The following TRIM22 variants were observed in gnomAD, a reference collection of about 807,000 sequenced individuals.
The protein encoded by TRIM22 is E3 ubiquitin-protein ligase TRIM22.
A neutral mutation model predicts 53.6 loss-of-function variants in TRIM22; 45 were observed. That is an observed-to-expected ratio of 0.84 (90% CI 0.66 to 1.08). The LOEUF (loss-of-function observed/expected upper bound fraction) is 1.08. Ranked by LOEUF, TRIM22 falls within the 50% of genes least tolerant of loss-of-function variation. TRIM22 has a pLI of 0.00. For missense variants in TRIM22, 616 were observed against 590.9 expected (o/e 1.04, Z -0.44); for synonymous variants, 225 against 216.6 (o/e 1.04, Z -0.34).
At chr11:5,706,206 A>G (rs1853454621) in intron 4 of TRIM22, among the ~76,000 whole-genome samples, 1 of 152,200 alleles carries the variant, frequency 6.6e-6, no homozygotes, top group Non-Finnish European at 1.5e-5. Flanking sequence ...TACTTGAAGC[A>G]TCTTCCTAAC....
chr11:5,707,653 T>A (rs1853481763), intron 5 of TRIM22, among the ~76,000 whole-genome samples: 1 of 151,834 alleles, frequency 6.6e-6, no homozygotes, highest in African/African-American at 2.4e-5. Flanking sequence ...CTACTAAAAG[T>A]ACAAAAAAAT....
chr11:5,704,149 C>A (rs1051757832), intron 4 of TRIM22, among the ~76,000 whole-genome samples: 2 of 152,150 alleles, frequency 1.3e-5, no homozygotes, highest in Non-Finnish European at 2.9e-5. Context: ...GGGTATATAC[C>A]CAAAGGAAAA....
Position 5,692,793 on chromosome 11 carries a change from C to CA in TRIM22, c.-67+2910dup, listed in dbSNP as rs749260436. On this transcript the variant is annotated intron_variant, in intron 1 of 7. Coordinates refer to ENST00000379965, the MANE Select transcript of TRIM22 (RefSeq NM_006074.5). ...TGGGCAACGCAGTGAGACCTTGTCT[C>CA]AAAAAAAAAAAAAAAAGATATTGAT... Among the ~76,000 whole-genome samples the CA allele has an allele frequency of 8.8e-4, 84 of 95,770 alleles. 3 individuals carry two copies. Among genetic ancestry groups the CA allele is most frequent in the Admixed American group, 1.9e-3 (17 of 9,016 alleles). 62.8% of individuals were successfully genotyped at this position (95,770 alleles called of 152,430 possible). A position where few individuals can be genotyped will look rare whatever the true frequency, so the allele number is the denominator to read the frequency against.
chr11:5,697,485 C>CAACAGGGAAGGAGTTAAA, intron 3 of TRIM22, 142 bp downstream of exon 3: 1 of 563,328 alleles, frequency 1.8e-6, no homozygotes, highest in Non-Finnish European at 3.1e-6. Context: ...AATTTAACTC[C>CAACAGGGAAGGAGTTAAA]TTCCCTGTTG....
At chr11:5,698,586 A>G (rs1024818804) in intron 4 of TRIM22, 41 bp downstream of exon 4, 1 of 1,481,708 alleles carries the variant, frequency 6.7e-7, no homozygotes. Flanking sequence ...AGATTAGGGG[A>G]AAAACACAGA....
rs1226496174 is a variant in TRIM22 at position 5,696,510 on chromosome 11, A to G, written c.278A>G (p.Lys93Arg). The G allele has an allele frequency of 1.9e-6, 3 of 1,614,116 alleles. No individual in the cohort carries two copies. Among genetic ancestry groups the G allele is most frequent in the Non-Finnish European group, 2.5e-6 (3 of 1,180,046 alleles). The stretch of plus-strand genomic sequence containing the variant: ...AAGATGAGCCCACAGGAGGGGCAGA[A>G]GAGAGATGTCTGTGAGCACCATGGA... ...EVKMSPQEGQ[K>R]RDVCEHHGKK... Residue 93 changes from lysine to arginine, a missense_variant, in exon 2 of 8, where the codon AAG (lysine) becomes AGG (arginine). Transcript: ENST00000379965.
At chr11:5,700,559 T>C (rs571944879) in intron 4 of TRIM22, among the ~76,000 whole-genome samples, 6 of 150,526 alleles carry the variant, frequency 4.0e-5, no homozygotes, top group African/African-American at 1.5e-4. Flanking sequence ...CTCTCACTTA[T>C]AAGTATGATG....
In TRIM22 at chr11:5,696,626, C is replaced by T. The variant is rs757285776; in HGVS notation, c.394C>T (p.Arg132Cys). ...GGAACACCAAGGTCACCAAACATTC[C>T]GCATAAACGAGGTGGTCAAGGAATG... Reference protein sequence around the residue: ...SQEHQGHQTFRINEVVKECQE... With the variant: ...SQEHQGHQTFCINEVVKECQE... The change falls in exon 2 of 8, where the codon CGC (arginine) becomes TGC (cysteine). Residue 132 changes from arginine to cysteine, a missense_variant. Arg to Cys is a radical substitution (Grantham distance 180). Coordinates refer to ENST00000379965, the MANE Select transcript of TRIM22 (RefSeq NM_006074.5). 21 of 1,612,438 alleles carry T rather than the reference C, an allele frequency of 1.3e-5. No individual in the cohort carries two copies. Among genetic ancestry groups the T allele is most frequent in the Middle Eastern group, 1.7e-4 (1 of 6,060 alleles).
In TRIM22 at chr11:5,696,379, C is replaced by T. The variant is rs769418250; in HGVS notation, c.147C>T (p.Ile49=). ...ITAKIKESVI[I]SRGESSCPVC... is the part of the protein sequence containing the mutation. The stretch of plus-strand genomic sequence containing the variant: ...CAAAGATCAAGGAGTCAGTGATCAT[C>T]TCAAGAGGGGAAAGCAGCTGTCCTG... Residue 49 remains isoleucine, a synonymous_variant, in exon 2 of 8, where the codon ATC becomes ATT. Transcript: ENST00000379965. 1.2e-6 allele frequency: 2 copies of T among 1,614,252 alleles called. No individual in the cohort carries two copies. The highest frequency in any genetic ancestry group is 1.7e-6 in the Non-Finnish European group (2 of 1,180,048).
At chr11:5,697,507 C>A (rs1564940436) in intron 3 of TRIM22, 164 bp downstream of exon 3, 1 of 544,816 alleles carries the variant, frequency 1.8e-6, no homozygotes, top group African/African-American at 1.9e-5. Flanking sequence ...AGTTTAGGGG[C>A]TGGAGAGTAG....
At chr11:5,706,476 AG>A in intron 4 of TRIM22, 117 bp from the exon 5 acceptor site, 1 of 661,238 alleles carries the variant, frequency 1.5e-6, no homozygotes, top group Non-Finnish European at 2.4e-6. Context: ...AAATATTATA[AG>A]GGTCATATAT....
intron 2 of TRIM22, chr11:5,696,968 G>A (rs1359503247): frequency 6.1e-6 from 3 of 494,098 alleles, no homozygotes; most frequent in Non-Finnish European, 1.1e-5. Context: ...TGTGGGAAGA[G>A]TGGCAATGAA....
intron 4 of TRIM22, among the ~76,000 whole-genome samples, chr11:5,705,135 C>A (rs983196986): frequency 1.3e-5 from 2 of 152,146 alleles, no homozygotes; most frequent in African/African-American, 2.4e-5. Flanking sequence ...TCAGTTCTGG[C>A]AAATCATTAT....
chr11:5,698,692 A>G, intron 4 of TRIM22, 147 bp downstream of exon 4: 2 of 643,538 alleles, frequency 3.1e-6, no homozygotes, highest in Non-Finnish European at 5.5e-6. Flanking sequence ...TATGCCCATC[A>G]TTTCAGGGGT....
In TRIM22 at chr11:5,708,070, C is replaced by G. The variant is rs1029148268; in HGVS notation, c.774-103C>G. On this transcript the variant is annotated intron_variant, in intron 5 of 7. Coordinates refer to ENST00000379965, the MANE Select transcript of TRIM22 (RefSeq NM_006074.5). Reference sequence around the variant, plus strand: ...CTCTACTGTCCTCAGGGAAGAGGGTCCAAGTGCGTCAGCAAGTATGGTGAA... The same window carrying G: ...CTCTACTGTCCTCAGGGAAGAGGGTGCAAGTGCGTCAGCAAGTATGGTGAA... 1.1e-5 allele frequency: 10 copies of G among 899,390 alleles called. No individual in the cohort carries two copies. In the African/African-American group the frequency reaches 1.5e-4, roughly 13 times the overall value. 55.7% of individuals were successfully genotyped at this position (899,390 alleles called of 1,614,324 possible).
intron 2 of TRIM22, 36 bp downstream of exon 2, chr11:5,696,691 C>T: frequency 6.4e-7 from 1 of 1,569,732 alleles, no homozygotes; most frequent in Non-Finnish European, 8.6e-7. Context: ...GAGCAGAGAG[C>T]AGAAGATGGT....
At chr11:5,699,852 G>A (rs1366017139) in intron 4 of TRIM22, among the ~76,000 whole-genome samples, 1 of 148,684 alleles carries the variant, frequency 6.7e-6, no homozygotes, top group Non-Finnish European at 1.5e-5. Flanking sequence ...TGTAGATTCT[G>A]TACCTTTTTA....
rs148404636 is a variant in TRIM22 at position 5,693,447 on chromosome 11, G to A, written c.-66-2720G>A. On this transcript the variant is annotated intron_variant, in intron 1 of 7. Transcript: ENST00000379965. ...AGAATAAAGAATGAATAGGCCGGGCGCGGTGGCTCACGCCAGTAATCCCAG... is the reference window on the plus strand; with the variant it reads ...AGAATAAAGAATGAATAGGCCGGGCACGGTGGCTCACGCCAGTAATCCCAG... 6.6e-3 allele frequency among the ~76,000 whole-genome samples: 1,005 copies of A among 151,944 alleles called. 12 individuals carry two copies. The highest frequency in any genetic ancestry group is 0.023 in the African/African-American group (943 of 41,480).
At position 5,692,793 on chromosome 11, in the gene TRIM22, CA is replaced by C. The variant is rs749260436; in HGVS notation, c.-67+2910del. On this transcript the variant is annotated intron_variant, in intron 1 of 7. Coordinates refer to ENST00000379965, the MANE Select transcript of TRIM22 (RefSeq NM_006074.5). ...TGGGCAACGCAGTGAGACCTTGTCTCAAAAAAAAAAAAAAAAGATATTGATG... is the reference window on the plus strand; with the variant it reads ...TGGGCAACGCAGTGAGACCTTGTCTCAAAAAAAAAAAAAAAGATATTGATG... Among the ~76,000 whole-genome samples the C allele has an allele frequency of 1.4e-3, 138 of 95,738 alleles. 1 individual carries two copies. Among genetic ancestry groups the C allele is most frequent in the Middle Eastern group, 5.6e-3 (1 of 180 alleles). The allele number at this position is 95,738 out of a possible 152,430, so 62.8% of individuals were successfully genotyped here.
Sources: gnomAD v4.1 joint callset for allele counts (sites outside exome capture counted in the v4.1 genomes callset) on GRCh38, gnomAD v4.1.1 for gene constraint, MANE v1.5 for transcripts, NCBI Gene and HGNC (gene_info 2026-07-23, HGNC 2026-07-21) for gene names.